ENOX1: variants seen among roughly 807,000 people sequenced by gnomAD.
ENOX1 encodes ecto-NOX disulfide-thiol exchanger 1, also known as candidate growth-related and time keeping constitutive hydroquinone (NADH) oxidase.
A neutral mutation model predicts 82.5 loss-of-function variants in ENOX1; 42 were observed. That is an observed-to-expected ratio of 0.51 (90% CI 0.40 to 0.66). The LOEUF (loss-of-function observed/expected upper bound fraction) is 0.66, where lower values mean the gene tolerates loss of function less well. ENOX1 is among the 30% of genes least tolerant of loss of function. ENOX1 has a pLI of 0.00. For missense variants in ENOX1, 608 were observed against 811.6 expected (o/e 0.75, Z 3.05); for synonymous variants, 271 against 282.2 (o/e 0.96, Z 0.40).
At chr13:43,448,665 G>T (rs1307528305) in intron 3 of ENOX1, among the ~76,000 whole-genome samples, 3 of 152,220 alleles carry the variant, frequency 2.0e-5, no homozygotes, top group Middle Eastern at 6.8e-3. Flanking sequence ...ATCTAGATGA[G>T]ATGTCACCTC....
chr13:43,445,446 C>CT (rs1042298552), intron 3 of ENOX1, among the ~76,000 whole-genome samples: 6 of 151,494 alleles, frequency 4.0e-5, no homozygotes, highest in African/African-American at 9.7e-5. Context: ...TTATACATTT[C>CT]TTTTTTTTAA....
chr13:43,577,532 C>G (rs1476248633), intron 2 of ENOX1, among the ~76,000 whole-genome samples: 1 of 152,196 alleles, frequency 6.6e-6, no homozygotes, highest in African/African-American at 2.4e-5. Flanking sequence ...GGGAAGAACA[C>G]TGTGTCCTCA....
intron 3 of ENOX1, among the ~76,000 whole-genome samples, chr13:43,417,281 G>A (rs1176783112): frequency 1.3e-5 from 2 of 151,758 alleles, no homozygotes; most frequent in African/African-American, 4.9e-5. Flanking sequence ...CAATCTAATG[G>A]TTTTAATGAC....
At chr13:43,401,402 C>A (rs2053487536) in intron 5 of ENOX1, among the ~76,000 whole-genome samples, 1 of 152,104 alleles carries the variant, frequency 6.6e-6, no homozygotes, top group African/African-American at 2.4e-5. Context: ...TGAAGTGAAA[C>A]TTATGATAGT....
At chr13:43,340,982 A>G (rs1390905012) in intron 9 of ENOX1, among the ~76,000 whole-genome samples, 1 of 152,174 alleles carries the variant, frequency 6.6e-6, no homozygotes, top group Non-Finnish European at 1.5e-5. Context: ...TCATTTGGAT[A>G]AGTGTTACAA....
intron 2 of ENOX1, among the ~76,000 whole-genome samples, chr13:43,560,381 C>T (rs1208254788): frequency 1.3e-5 from 2 of 152,156 alleles, no homozygotes; most frequent in African/African-American, 2.4e-5. Flanking sequence ...TTCCAAGCTA[C>T]ACTCCTTCCA....
rs981248880 is a variant in ENOX1, at chr13:43,757,023, G to A, written c.-285+29629C>T. On this transcript the variant is annotated intron_variant, in intron 1 of 16. Transcript: ENST00000690772. ...GGATAATTTTAGGGTTGTAAGCATC[G>A]TTAATCCAATTTCTTAACATAGACA... Among the ~76,000 whole-genome samples the A allele has an allele frequency of 2.8e-5, 4 of 145,414 alleles. No homozygotes were observed. The East Asian group carries it at 6.1e-4, about 22-fold the overall frequency.
chr13:43,354,655 T>C lies in ENOX1; in HGVS notation c.823+1264A>G, dbSNP rs377377519. Among the ~76,000 whole-genome samples, 6 of 152,194 alleles carry C rather than the reference T, an allele frequency of 3.9e-5. No homozygotes were observed. The East Asian group carries it at 9.6e-4, about 24-fold the overall frequency. Reference sequence around the variant, plus strand: ...CACATCCCTCTTCTCATCAGAAATCTGTTAATGGCTTCTCCACTGTTTATG... The same window carrying C: ...CACATCCCTCTTCTCATCAGAAATCCGTTAATGGCTTCTCCACTGTTTATG... On this transcript the variant is annotated intron_variant, in intron 8 of 16. Coordinates refer to ENST00000690772, the MANE Select transcript of ENOX1 (RefSeq NM_001347969.2).
chr13:43,702,683 G>C (rs1594472419), intron 1 of ENOX1, among the ~76,000 whole-genome samples: 1 of 152,302 alleles, frequency 6.6e-6, no homozygotes, highest in Middle Eastern at 3.4e-3. Flanking sequence ...GGGCGCAGTG[G>C]TTCATGCCTG....
At chr13:43,448,870 C>T (rs971966589) in intron 3 of ENOX1, among the ~76,000 whole-genome samples, 6 of 152,288 alleles carry the variant, frequency 3.9e-5, no homozygotes, top group South Asian at 2.1e-4. Context: ...GAGTTTAAAA[C>T]GGGTAACATA....
At chr13:43,555,203 AG>A (rs1349291264) in intron 2 of ENOX1, among the ~76,000 whole-genome samples, 1 of 152,250 alleles carries the variant, frequency 6.6e-6, no homozygotes, top group African/African-American at 2.4e-5. Context: ...GAAGCTACAG[AG>A]GAAAAGTGCT....
At chr13:43,564,618 G>A (rs1231448107) in intron 2 of ENOX1, among the ~76,000 whole-genome samples, 2 of 152,136 alleles carry the variant, frequency 1.3e-5, no homozygotes, top group Non-Finnish European at 2.9e-5. Context: ...GATAGTAGGA[G>A]AGGATTACTT....
At chr13:43,500,242 T>G (rs2153667384) in intron 2 of ENOX1, among the ~76,000 whole-genome samples, 1 of 152,178 alleles carries the variant, frequency 6.6e-6, no homozygotes, top group East Asian at 1.9e-4. Flanking sequence ...GACATTCAAA[T>G]TCATGAGAGA....
intron 2 of ENOX1, among the ~76,000 whole-genome samples, chr13:43,607,594 A>G (rs1166188210): frequency 6.6e-6 from 1 of 152,188 alleles, no homozygotes; most frequent in Non-Finnish European, 1.5e-5. Context: ...ATTATTACAT[A>G]TCATCTGACC....
intron 5 of ENOX1, among the ~76,000 whole-genome samples, chr13:43,408,196 AG>A (rs2053913296): frequency 6.6e-6 from 1 of 152,222 alleles, no homozygotes; most frequent in African/African-American, 2.4e-5. Flanking sequence ...CACATCTGAA[AG>A]GTGTGCTACC....
At chr13:43,257,845 G>A (rs2043837834) in intron 14 of ENOX1, among the ~76,000 whole-genome samples, 1 of 152,134 alleles carries the variant, frequency 6.6e-6, no homozygotes, top group African/African-American at 2.4e-5. Flanking sequence ...TTCAGATCTT[G>A]GTTTTATCTA....
chr13:43,358,755 C>T lies in ENOX1; in HGVS notation c.589+1096G>A, dbSNP rs574108157. ...GAGAAAATGGAGGCAGGCTCTAGGC[C>T]GTGAAACCCAGTGCCACAAACTCAC... On this transcript the variant is annotated intron_variant, in intron 7 of 16. Transcript: ENST00000690772. Among the ~76,000 whole-genome samples the T allele has an allele frequency of 5.9e-5, 9 of 152,290 alleles. No individual in the cohort carries two copies. The East Asian group carries it at 9.6e-4, about 16-fold the overall frequency.
intron 1 of ENOX1, among the ~76,000 whole-genome samples, chr13:43,750,873 A>G (rs1249596404): frequency 1.3e-5 from 2 of 152,212 alleles, no homozygotes; most frequent in Non-Finnish European, 2.9e-5. Context: ...CTAAAATCCT[A>G]CATATCCTTA....
intron 2 of ENOX1, among the ~76,000 whole-genome samples, chr13:43,608,873 C>T (rs1265821029): frequency 6.6e-6 from 1 of 152,172 alleles, no homozygotes; most frequent in African/African-American, 2.4e-5. Context: ...CCAGGTCTGA[C>T]CTAAATGTTA....
Sources: gnomAD v4.1 joint callset for allele counts (sites outside exome capture counted in the v4.1 genomes callset) on GRCh38, gnomAD v4.1.1 for gene constraint, MANE v1.5 for transcripts, NCBI Gene and HGNC (gene_info 2026-07-23, HGNC 2026-07-21) for gene names.